The following HDX variants were observed in gnomAD, a reference collection of about 807,000 sequenced individuals.
The protein encoded by HDX is highly divergent homeobox.
Under a neutral mutation model 45.2 loss-of-function variants are expected in HDX, and 19 were observed. That is an observed-to-expected ratio of 0.42 (90% confidence interval 0.29 to 0.62). The LOEUF (loss-of-function observed/expected upper bound fraction) is 0.62. Ranked by LOEUF, HDX falls within the 20% of genes least tolerant of loss-of-function variation. The pLI is 0.20. For missense variants in HDX, 532 were observed against 493.9 expected, an observed-to-expected ratio of 1.08 and a Z score of -0.73; for synonymous variants, 188 against 172.8, an observed-to-expected ratio of 1.09 and a Z score of -0.69.
intron 6 of HDX, among the ~76,000 whole-genome samples, chrX:84,359,762 C>T (rs376003580): frequency 1.3e-3 from 141 of 111,720 alleles, no homozygotes; most frequent in African/African-American, 4.5e-3. Flanking sequence ...TTTGAGGAAT[C>T]ACCACACTGT....
At chrX:84,339,384 G>T (rs2037034913) in intron 7 of HDX, among the ~76,000 whole-genome samples, 1 of 111,268 alleles carries the variant, frequency 9.0e-6, no homozygotes, top group South Asian at 3.7e-4. Flanking sequence ...TATCAACAAG[G>T]TAACATTCTT....
chrX:84,423,356 A>G (rs1306548706), intron 5 of HDX, among the ~76,000 whole-genome samples: 1 of 110,623 alleles, frequency 9.0e-6, no homozygotes, highest in African/African-American at 3.3e-5. Context: ...ACTGAATTGT[A>G]ACACTTAAAG....
intron 9 of HDX, among the ~76,000 whole-genome samples, chrX:84,328,618 T>A (rs2036771620): frequency 9.0e-6 from 1 of 111,395 alleles, no homozygotes; most frequent in African/African-American, 3.3e-5. Flanking sequence ...CACGTCAAAA[T>A]ATGCTTAATA....
intron 1 of HDX, among the ~76,000 whole-genome samples, chrX:84,491,727 A>G (rs2040896893): frequency 1.8e-5 from 2 of 111,784 alleles, no homozygotes; most frequent in African/African-American, 6.5e-5. Flanking sequence ...TTTGTCAGGC[A>G]AATCTAGAAT....
rs193091939 is a variant in HDX at position 84,392,711 on chromosome X, C to T, written c.1306-31099G>A. Among the ~76,000 whole-genome samples the T allele has an allele frequency of 7.0e-3, 765 of 109,247 alleles. 10 individuals carry two copies. The highest frequency in any genetic ancestry group is 0.024 in the African/African-American group (708 of 30,080). The allele number at this position is 109,247 out of a possible 115,157, so 94.9% of individuals were successfully genotyped here. ...ATTGCCCTCTTTATTTTTTTCTTGGCTACTTTATTATTAGTGAATAGAAAT... is the reference window on the plus strand; with the variant it reads ...ATTGCCCTCTTTATTTTTTTCTTGGTTACTTTATTATTAGTGAATAGAAAT... On this transcript the variant is annotated intron_variant, in intron 5 of 10. Transcript: ENST00000373177.
intron 4 of HDX, among the ~76,000 whole-genome samples, chrX:84,465,823 A>C (rs1030314549): frequency 9.0e-6 from 1 of 111,707 alleles, no homozygotes; most frequent in Non-Finnish European, 1.9e-5. Context: ...GTATAATAAT[A>C]ATAATAGAAA....
intron 5 of HDX, among the ~76,000 whole-genome samples, chrX:84,399,751 AAC>A (rs1222642672): frequency 4.5e-5 from 5 of 111,148 alleles, no homozygotes; most frequent in African/African-American, 1.3e-4. Context: ...ATCTGGCAGG[AAC>A]ACACACACAA....
At chrX:84,449,345 G>A (rs765445566) in intron 4 of HDX, among the ~76,000 whole-genome samples, 1 of 111,655 alleles carries the variant, frequency 9.0e-6, no homozygotes, top group Admixed American at 9.5e-5. Context: ...AATGCTAAAA[G>A]GTCTTCTCTA....
intron 9 of HDX, among the ~76,000 whole-genome samples, chrX:84,331,396 G>A (rs897943063): frequency 9.0e-6 from 1 of 111,311 alleles, no homozygotes; most frequent in Non-Finnish European, 1.9e-5. Flanking sequence ...CAATGATCCA[G>A]CTCCTGATTT....
At chrX:84,354,282 A>G (rs907022255) in intron 6 of HDX, among the ~76,000 whole-genome samples, 1 of 111,878 alleles carries the variant, frequency 8.9e-6, no homozygotes, top group Non-Finnish European at 1.9e-5. Context: ...TGAGTACTCT[A>G]AAGCCCTGTA....
Position 84,346,167 on chromosome X carries a change from A to G in HDX, c.1453-1710T>C, listed in dbSNP as rs755397082. Among the ~76,000 whole-genome samples the G allele has an allele frequency of 5.4e-5, 6 of 111,161 alleles. 1 individual carries two copies. The South Asian group carries it at 2.3e-3, about 42-fold the overall frequency. On this transcript the variant is annotated intron_variant, in intron 6 of 10. Coordinates refer to ENST00000373177, the MANE Select transcript of HDX (RefSeq NM_001177479.2). The stretch of plus-strand genomic sequence containing the variant: ...ATGGGTTCACTGAAAAGATTGGTAA[A>G]CTTGACAAACATCTAATTGTTAAAC...
chrX:84,415,006 C>T (rs2039071318), intron 5 of HDX, among the ~76,000 whole-genome samples: 1 of 112,086 alleles, frequency 8.9e-6, no homozygotes, highest in South Asian at 3.7e-4. Context: ...TCTTGTGGTA[C>T]AAAATAGGCA....
chrX:84,413,564 G>A (rs952299062), intron 5 of HDX, among the ~76,000 whole-genome samples: 6 of 111,601 alleles, frequency 5.4e-5, no homozygotes, highest in African/African-American at 2.0e-4. Flanking sequence ...ACTCCAATGC[G>A]TGGGTGATGG....
intron 5 of HDX, among the ~76,000 whole-genome samples, chrX:84,373,348 A>T (rs2037948834): frequency 9.0e-6 from 1 of 111,057 alleles, no homozygotes; most frequent in Non-Finnish European, 1.9e-5. Flanking sequence ...GCACATTGAA[A>T]ATTGTGGTAA....
intron 6 of HDX, among the ~76,000 whole-genome samples, chrX:84,357,610 G>T (rs1466797331): frequency 9.0e-6 from 1 of 111,534 alleles, no homozygotes; most frequent in Non-Finnish European, 1.9e-5. Context: ...ATCTTAAAGA[G>T]ATTTTTTTTT....
Position 84,349,175 on chromosome X carries a change from T to A in HDX, c.1453-4718A>T, listed in dbSNP as rs149239259. Among the ~76,000 whole-genome samples the A allele has an allele frequency of 4.3e-4, 48 of 111,155 alleles. No individual in the cohort carries two copies. The East Asian group carries it at 0.014, about 32-fold the overall frequency. ...CATGGAATTCTGCTCCAGTAAGTTGTGATTCTCTGTATCTGCCTATTTGTC... is the reference window on the plus strand; with the variant it reads ...CATGGAATTCTGCTCCAGTAAGTTGAGATTCTCTGTATCTGCCTATTTGTC... On this transcript the variant is annotated intron_variant, in intron 6 of 10. Coordinates refer to ENST00000373177, the MANE Select transcript of HDX (RefSeq NM_001177479.2).
In HDX at chrX:84,324,993, A is replaced by G. The variant is rs960936561; in HGVS notation, c.1947+1185T>C. 3.6e-5 allele frequency among the ~76,000 whole-genome samples: 4 copies of G among 111,499 alleles called. No homozygotes were observed. The Admixed American group carries it at 3.8e-4, about 11-fold the overall frequency. On this transcript the variant is annotated intron_variant, in intron 10 of 10. Coordinates refer to ENST00000373177, the MANE Select transcript of HDX (RefSeq NM_001177479.2). ...ATGTCGTGGAATATACATAACTCAC[A>G]TAATAAACCAATATGCTTAAATTAA...
intron 10 of HDX, among the ~76,000 whole-genome samples, chrX:84,322,634 G>C (rs983539270): frequency 2.7e-5 from 3 of 110,816 alleles, no homozygotes; most frequent in Admixed American, 9.7e-5. Flanking sequence ...TAGTAATGAT[G>C]TATCTGGAGG....
At chrX:84,447,649 A>G (rs1187943559) in intron 4 of HDX, among the ~76,000 whole-genome samples, 2 of 110,877 alleles carry the variant, frequency 1.8e-5, no homozygotes, top group Non-Finnish European at 3.8e-5. Context: ...GCCAGTCCCT[A>G]CCGGATTGCT....
Sources: gnomAD v4.1 joint callset for allele counts (sites outside exome capture counted in the v4.1 genomes callset) on GRCh38, gnomAD v4.1.1 for gene constraint, MANE v1.5 for transcripts, NCBI Gene and HGNC (gene_info 2026-07-23, HGNC 2026-07-21) for gene names.